TSPAN9: variants seen among roughly 807,000 people sequenced by gnomAD.
TSPAN9 encodes tetraspanin-9.
Under a neutral mutation model 31.0 loss-of-function variants are expected in TSPAN9, and 16 were observed. That is an observed-to-expected ratio of 0.52 (90% confidence interval 0.35 to 0.78). TSPAN9 has a LOEUF of 0.78. Ranked by LOEUF, TSPAN9 falls within the 30% of genes least tolerant of loss-of-function variation. The probability of loss-of-function intolerance (pLI) is 0.01; values close to 1 mark genes in which losing one functional copy is unlikely to be tolerated. For synonymous variants in TSPAN9, 145 were observed against 121.6 expected, an observed-to-expected ratio of 1.19 and a Z score of -1.27; for missense variants, 272 against 312.5, an observed-to-expected ratio of 0.87 and a Z score of 0.98.
chr12:3,079,838 G>A (rs2098296923), intron 1 of TSPAN9, among the ~76,000 whole-genome samples: 1 of 149,176 alleles, frequency 6.7e-6, no homozygotes, highest in Non-Finnish European at 1.5e-5. Context: ...AGGGACACAA[G>A]CAGCTCACTG....
intron 3 of TSPAN9, among the ~76,000 whole-genome samples, chr12:3,219,716 A>C (rs2098383288): frequency 6.6e-6 from 1 of 152,022 alleles, no homozygotes; most frequent in South Asian, 2.1e-4. Context: ...TCGGGGGGTG[A>C]GGAGCTAGGG....
At chr12:3,281,914 G>C (rs749427548) in intron 8 of TSPAN9, 97 bp downstream of exon 8, 2 of 1,336,026 alleles carry the variant, frequency 1.5e-6, no homozygotes, top group Non-Finnish European at 2.1e-6. Flanking sequence ...GGTACACGGC[G>C]GAGGGTCTGG....
chr12:3,155,193 T>G lies in TSPAN9; in HGVS notation c.-17-45984T>G, dbSNP rs1159992315. ...GGGGTACCAGCTTGTGACCCCTGCTTTATGTATTAAAGGTAGGGTGTTATG... is the reference window on the plus strand; with the variant it reads ...GGGGTACCAGCTTGTGACCCCTGCTGTATGTATTAAAGGTAGGGTGTTATG... On this transcript the variant is annotated intron_variant, in intron 2 of 8. Coordinates refer to ENST00000011898, the MANE Select transcript of TSPAN9 (RefSeq NM_006675.5). Among the ~76,000 whole-genome samples, 4 of 152,106 alleles carry G rather than the reference T, an allele frequency of 2.6e-5. No individual in the cohort carries two copies. In the East Asian group the frequency reaches 5.8e-4, roughly 22 times the overall value.
intron 2 of TSPAN9, among the ~76,000 whole-genome samples, chr12:3,088,544 C>A (rs2098301992): frequency 6.6e-6 from 1 of 152,208 alleles, no homozygotes; most frequent in Non-Finnish European, 1.5e-5. Context: ...CTTGGCTCAG[C>A]CTGCCCCCAC....
At chr12:3,085,475 A>G (rs1201571764) in intron 2 of TSPAN9, among the ~76,000 whole-genome samples, 1 of 152,002 alleles carries the variant, frequency 6.6e-6, no homozygotes, top group Non-Finnish European at 1.5e-5. Context: ...TGGAGGCCTC[A>G]GCAGACAGGA....
At chr12:3,268,040 C>G (rs558035466) in intron 3 of TSPAN9, among the ~76,000 whole-genome samples, 20 of 152,324 alleles carry the variant, frequency 1.3e-4, no homozygotes, top group African/African-American at 4.3e-4. Context: ...AAGGGCAGTC[C>G]CCTCCACCAG....
intron 3 of TSPAN9, among the ~76,000 whole-genome samples, chr12:3,221,351 TA>T (rs1300665882): frequency 1.9e-4 from 26 of 139,314 alleles, no homozygotes; most frequent in Middle Eastern, 3.9e-3. Flanking sequence ...TTATTTAAAA[TA>T]TTTTTCTCTT....
intron 1 of TSPAN9, 34 bp from the exon 2 acceptor site, chr12:3,083,619 C>T (rs940447860): frequency 1.3e-5 from 2 of 152,168 alleles, no homozygotes; most frequent in African/African-American, 2.4e-5. Context: ...GGCTTCTTAC[C>T]AAAGTGATGA....
At chr12:3,216,566 A>T (rs750072808) in intron 3 of TSPAN9, among the ~76,000 whole-genome samples, 132 of 152,278 alleles carry the variant, frequency 8.7e-4, no homozygotes, top group Non-Finnish European at 1.0e-3. Flanking sequence ...TTATACAGAG[A>T]GGGAGATGGG....
At chr12:3,179,204 C>A (rs964743773) in intron 2 of TSPAN9, among the ~76,000 whole-genome samples, 1 of 152,030 alleles carries the variant, frequency 6.6e-6, no homozygotes, top group African/African-American at 2.4e-5. Flanking sequence ...CCATGGATGC[C>A]GCAGACAGGA....
chr12:3,096,923 C>T (rs936326931), intron 2 of TSPAN9, among the ~76,000 whole-genome samples: 5 of 152,166 alleles, frequency 3.3e-5, no homozygotes, highest in Non-Finnish European at 7.3e-5. Context: ...TGGTCTCGAT[C>T]TTCTCACCTC....
intron 3 of TSPAN9, among the ~76,000 whole-genome samples, chr12:3,233,136 A>T (rs1182404447): frequency 6.6e-6 from 1 of 152,148 alleles, no homozygotes; most frequent in Admixed American, 6.5e-5. Context: ...TTTTCCCTCC[A>T]GGGCCACCTG....
At chr12:3,201,434 C>T (rs1801786163) in intron 3 of TSPAN9, among the ~76,000 whole-genome samples, 178 bp downstream of exon 3, 1 of 152,144 alleles carries the variant, frequency 6.6e-6, no homozygotes, top group South Asian at 2.1e-4. Context: ...TTTCCTTTCT[C>T]CCTCTCTTTG....
At chr12:3,230,396 C>T (rs768022677) in intron 3 of TSPAN9, among the ~76,000 whole-genome samples, 2 of 152,142 alleles carry the variant, frequency 1.3e-5, no homozygotes, top group Non-Finnish European at 2.9e-5. Flanking sequence ...GTGAGCCTGA[C>T]TCCCCTGCCT....
intron 2 of TSPAN9, among the ~76,000 whole-genome samples, chr12:3,155,358 C>G (rs1317032427): frequency 6.6e-6 from 1 of 152,166 alleles, no homozygotes; most frequent in East Asian, 1.9e-4. Context: ...TCCGGGAATG[C>G]TGGGCAGAGA....
chr12:3,283,176 CTTTG>C lies in TSPAN9; in HGVS notation c.*62_*65del. On this transcript the variant is annotated 3_prime_UTR_variant, in exon 9 of 9. Transcript: ENST00000011898. ...GCCCTGTGGAGGGAAGAGGATTGAG[CTTTG>C]TGTCACCTGCCTGCGCTCTCCAGAT... is the stretch of plus-strand genomic sequence containing the variant. The C allele has an allele frequency of 6.4e-7, 1 of 1,568,966 alleles. No homozygotes were observed. Among genetic ancestry groups the C allele is most frequent in the Non-Finnish European group, 8.7e-7 (1 of 1,152,590 alleles).
At chr12:3,116,780 A>G (rs1024229964) in intron 2 of TSPAN9, among the ~76,000 whole-genome samples, 8 of 152,164 alleles carry the variant, frequency 5.3e-5, no homozygotes, top group Non-Finnish European at 8.8e-5. Context: ...TCCGCATGAC[A>G]ACCTGGGAGT....
At chr12:3,261,891 C>A (rs2153979101) in intron 3 of TSPAN9, among the ~76,000 whole-genome samples, 1 of 152,298 alleles carries the variant, frequency 6.6e-6, no homozygotes, top group Middle Eastern at 3.4e-3. Flanking sequence ...CCCAAGGATG[C>A]TCTGGCCTGG....
At position 3,283,265 on chromosome 12, in the gene TSPAN9, G is replaced by A. The variant is rs1802893593; in HGVS notation, c.*149G>A. On this transcript the variant is annotated 3_prime_UTR_variant, in exon 9 of 9. Coordinates refer to ENST00000011898, the MANE Select transcript of TSPAN9 (RefSeq NM_006675.5). Reference sequence around the variant, plus strand: ...ACCCCACCTACCCTGCCTCAGCCTCGGACTTCTCAGTGGGTGGAGTGCCAG... The same window carrying A: ...ACCCCACCTACCCTGCCTCAGCCTCAGACTTCTCAGTGGGTGGAGTGCCAG... The A allele has an allele frequency of 3.9e-6, 3 of 772,474 alleles. No homozygotes were observed. The highest frequency in any genetic ancestry group is 5.9e-6 in the Non-Finnish European group (3 of 504,896). The allele number at this position is 772,474 out of a possible 1,614,324, so 47.9% of individuals were successfully genotyped here. A position where few individuals can be genotyped will look rare whatever the true frequency, so the allele number is the denominator to read the frequency against.
Sources: gnomAD v4.1 joint callset for allele counts (sites outside exome capture counted in the v4.1 genomes callset) on GRCh38, gnomAD v4.1.1 for gene constraint, MANE v1.5 for transcripts, NCBI Gene and HGNC (gene_info 2026-07-23, HGNC 2026-07-21) for gene names.